Variants in GNG4 observed in about 807,000 individuals in gnomAD.
GNG4 encodes the protein G protein subunit gamma 4.
GNG4 carries 4 observed loss-of-function variants against 5.8 expected under a neutral mutation model. The observed-to-expected ratio is 0.69, with a 90% confidence interval of 0.34 to 1.57. GNG4 has a LOEUF of 1.57. GNG4 is among the 40% of genes most tolerant of loss of function. The pLI, the probability that GNG4 is intolerant of heterozygous loss-of-function variation, is 0.06. For missense variants in GNG4, 96 were observed against 95.1 expected (o/e 1.01, Z -0.04); for synonymous variants, 29 against 32.9 (o/e 0.88, Z 0.41).
At chr1:235,639,011 G>A (rs955295608) in intron 1 of GNG4, among the ~76,000 whole-genome samples, 1 of 152,090 alleles carries the variant, frequency 6.6e-6, no homozygotes, top group Non-Finnish European at 1.5e-5. Context: ...AATCCTTTGG[G>A]TATATACCCA....
In GNG4 at chr1:235,644,374, C is replaced by T. The variant is rs1657441016; in HGVS notation, c.-123+5288G>A. ...TTTGGAATTTTCTACTCACATCCAC[C>T]GAGCGACCCTCCTCGGCCACCTCCA... On this transcript the variant is annotated intron_variant, in intron 1 of 3. Coordinates refer to ENST00000391854, the MANE Select transcript of GNG4 (RefSeq NM_001098722.2). This position sits in a 1 kb window ranked among gnomAD's most constrained non-coding sequence, Gnocchi z 5.9. 2.0e-5 allele frequency among the ~76,000 whole-genome samples: 3 copies of T among 152,228 alleles called. No individual in the cohort carries two copies. The highest frequency in any genetic ancestry group is 4.8e-5 in the African/African-American group (2 of 41,456).
intron 1 of GNG4, among the ~76,000 whole-genome samples, chr1:235,625,868 G>A (rs1319577712): frequency 6.6e-6 from 1 of 152,058 alleles, no homozygotes; most frequent in African/African-American, 2.4e-5. Context: ...TCCGAGTTTG[G>A]GCAATTATGA....
At chr1:235,584,201 T>C (rs1687709534) in intron 2 of GNG4, among the ~76,000 whole-genome samples, 1 of 152,230 alleles carries the variant, frequency 6.6e-6, no homozygotes, top group South Asian at 2.1e-4. Context: ...TCATTCACTT[T>C]CACACACGTT....
intron 3 of GNG4, among the ~76,000 whole-genome samples, chr1:235,583,240 G>A (rs142341985): frequency 3.9e-5 from 6 of 152,314 alleles, no homozygotes; most frequent in Non-Finnish European, 7.4e-5. Flanking sequence ...TCCTCCCAGC[G>A]TGGAGAGACC....
chr1:235,574,957 T>C (rs1323882839), intron 3 of GNG4, among the ~76,000 whole-genome samples: 1 of 152,130 alleles, frequency 6.6e-6, no homozygotes, highest in Non-Finnish European at 1.5e-5. Flanking sequence ...CCCGAGTAGC[T>C]GGGATTACAG....
At chr1:235,585,622 T>C (rs1687742193) in intron 2 of GNG4, among the ~76,000 whole-genome samples, 1 of 152,268 alleles carries the variant, frequency 6.6e-6, no homozygotes, top group Admixed American at 6.5e-5. Context: ...ATACTCATTC[T>C]TTCTTAGAAC....
rs560035832 is a variant in GNG4 at position 235,612,243 on chromosome 1, G to A, written c.-122-16732C>T. On this transcript the variant is annotated intron_variant, in intron 1 of 3. Coordinates refer to ENST00000391854, the MANE Select transcript of GNG4 (RefSeq NM_001098722.2). ...ACAAGACGATGACAGAACGTGCTCC[G>A]ATCTATTCAGAAGGATGGGGACAGA... Among the ~76,000 whole-genome samples the A allele has an allele frequency of 1.4e-4, 22 of 152,274 alleles. No individual in the cohort carries two copies. In the South Asian group the frequency reaches 2.7e-3, roughly 19 times the overall value.
At chr1:235,593,360 A>T (rs1417461427) in intron 2 of GNG4, among the ~76,000 whole-genome samples, 1 of 152,170 alleles carries the variant, frequency 6.6e-6, no homozygotes, top group Non-Finnish European at 1.5e-5. Context: ...TTCTGACCTG[A>T]CCTGACTCAC....
In GNG4 at chr1:235,617,153, T is replaced by C. The variant is rs191867251; in HGVS notation, c.-122-21642A>G. On this transcript the variant is annotated intron_variant, in intron 1 of 3. Coordinates refer to ENST00000391854, the MANE Select transcript of GNG4 (RefSeq NM_001098722.2). ...AGGTGAATCCATAGTTTGGGGCCCA[T>C]GACATTGGCTGGGCATCCTGGACCT... is the stretch of plus-strand genomic sequence containing the variant. Among the ~76,000 whole-genome samples, 1,071 of 152,288 alleles carry C rather than the reference T, an allele frequency of 7.0e-3. 5 individuals are homozygous for C. Among genetic ancestry groups the C allele is most frequent in the Non-Finnish European group, 0.011 (747 of 68,006 alleles).
intron 2 of GNG4, chr1:235,588,944 C>T (rs1311404066): frequency 1.3e-5 from 2 of 152,434 alleles, no homozygotes; most frequent in Non-Finnish European, 2.9e-5. Flanking sequence ...CGACTTGCTG[C>T]CCTGCCGGCA....
At chr1:235,625,263 A>T (rs539078254) in intron 1 of GNG4, among the ~76,000 whole-genome samples, 1 of 152,096 alleles carries the variant, frequency 6.6e-6, no homozygotes, top group East Asian at 1.9e-4. Context: ...CCCGGCATTT[A>T]AAAAAAATAA....
intron 3 of GNG4, among the ~76,000 whole-genome samples, chr1:235,574,343 C>G (rs575114923): frequency 2.0e-5 from 3 of 152,274 alleles, no homozygotes; most frequent in African/African-American, 7.2e-5. Flanking sequence ...TGCACTCCAG[C>G]CTGGGCAACA....
At chr1:235,591,009 ACGAGCTT>A (rs375498219) in intron 2 of GNG4, among the ~76,000 whole-genome samples, 172 of 152,274 alleles carry the variant, frequency 1.1e-3, no homozygotes, top group South Asian at 7.5e-3. Flanking sequence ...TGCGCTTCTA[ACGAGCTT>A]CGTGAGGCTG....
intron 1 of GNG4, among the ~76,000 whole-genome samples, chr1:235,606,965 G>GA (rs1688376041): frequency 2.9e-5 from 1 of 34,980 alleles, no homozygotes. Context: ...TTTTTTTTTT[G>GA]AGACAGAGTC....
chr1:235,587,648 AGGGT>A (rs1687841521), intron 2 of GNG4, among the ~76,000 whole-genome samples: 10 of 1,914 alleles, frequency 5.2e-3, no homozygotes, highest in South Asian at 0.018. Context: ...TGAGTGTGGG[AGGGT>A]GTTGGGTGTG....
intron 1 of GNG4, among the ~76,000 whole-genome samples, chr1:235,635,267 C>G (rs1387892950): frequency 6.6e-6 from 1 of 152,022 alleles, no homozygotes; most frequent in Non-Finnish European, 1.5e-5. Context: ...GAGGCTGAGA[C>G]GGGTGGATCA....
At chr1:235,578,766 G>A (rs1024415166) in intron 3 of GNG4, among the ~76,000 whole-genome samples, 29 of 152,134 alleles carry the variant, frequency 1.9e-4, no homozygotes, top group African/African-American at 6.5e-4. Flanking sequence ...ACCTGAGGCT[G>A]TGGGGTGGTG....
upstream of GNG4, chr1:235,650,415 C>A (rs986285277): frequency 6.6e-6 from 1 of 152,440 alleles, no homozygotes; most frequent in Non-Finnish European, 1.5e-5. Context: ...TCCCCGAAGC[C>A]TCAGGTACCG....
At chr1:235,633,582 G>A (rs1267580421) in intron 1 of GNG4, among the ~76,000 whole-genome samples, 1 of 152,120 alleles carries the variant, frequency 6.6e-6, no homozygotes, top group African/African-American at 2.4e-5. Flanking sequence ...TGAACTCCTG[G>A]GCTCAAGTGA....
Sources: allele counts gnomAD v4.1 joint callset (sites outside exome capture counted in the v4.1 genomes callset), GRCh38; gene constraint gnomAD v4.1.1; non-coding constraint Gnocchi (gnomAD v3.1); transcripts MANE v1.5; gene names NCBI Gene and HGNC (gene_info 2026-07-23, HGNC 2026-07-21).